The following PATL2 variants were observed in gnomAD, a reference collection of about 807,000 sequenced individuals.
PATL2 encodes PAT1 homolog 2, also known as protein PAT1 homolog 2.
A neutral mutation model predicts 77.0 loss-of-function variants in PATL2; 73 were observed. The observed-to-expected ratio is 0.95, with a 90% CI of 0.78 to 1.15. The LOEUF (loss-of-function observed/expected upper bound fraction) is 1.15. Among genes scored for constraint, PATL2 ranks in the 50% most tolerant of loss-of-function variants. The pLI, the probability that PATL2 is intolerant of heterozygous loss-of-function variation, is 0.00. For synonymous variants in PATL2, 265 were observed against 257.1 expected (o/e 1.03, Z -0.29); for missense variants, 618 against 655.4 (o/e 0.94, Z 0.62).
intron 3 of PATL2, among the ~76,000 whole-genome samples, chr15:44,685,316 A>ACT (rs1349926871): frequency 2.0e-5 from 3 of 152,244 alleles, no homozygotes; most frequent in Non-Finnish European, 4.4e-5. Flanking sequence ...CTGGATAAAA[A>ACT]GTCAAGACCC....
chr15:44,667,474 C>G (rs1002287674), intron 15 of PATL2, among the ~76,000 whole-genome samples: 1 of 152,122 alleles, frequency 6.6e-6, no homozygotes, highest in Non-Finnish European at 1.5e-5. Context: ...AGTAGGAGAT[C>G]GGGAATGCAT....
intron 3 of PATL2, among the ~76,000 whole-genome samples, chr15:44,679,551 T>C (rs1313266177): frequency 6.8e-6 from 1 of 146,492 alleles, no homozygotes; most frequent in Non-Finnish European, 1.5e-5. Context: ...TTTTTCTTTT[T>C]CTTTTTTTTT....
In PATL2 at chr15:44,669,490, C is replaced by G. The variant is rs1205939206; in HGVS notation, c.930+20G>C. 6 of 1,550,750 alleles carry G rather than the reference C, an allele frequency of 3.9e-6. No individual in the cohort carries two copies. Among genetic ancestry groups the G allele is most frequent in the Non-Finnish European group, 3.5e-6 (4 of 1,146,386 alleles). The stretch of plus-strand genomic sequence containing the variant: ...TCAAAGGTAGGTTTGGAACTCGTCC[C>G]TAAGGAACTGATATCTCACCTTCTC... On this transcript the variant is annotated intron_variant, in intron 12 of 17. Coordinates refer to ENST00000682850, the MANE Select transcript of PATL2 (RefSeq NM_001387263.1).
At chr15:44,682,386 G>A (rs1485089007) in intron 3 of PATL2, among the ~76,000 whole-genome samples, 2 of 152,146 alleles carry the variant, frequency 1.3e-5, no homozygotes, top group African/African-American at 4.8e-5. Flanking sequence ...ACCACACTGT[G>A]TCGTCATTCT....
rs115862039 is a variant in PATL2 at position 44,682,317 on chromosome 15, C to T, written c.-75-5752G>A. Among the ~76,000 whole-genome samples, 952 of 152,306 alleles carry T rather than the reference C, an allele frequency of 6.3e-3. 14 individuals carry two copies. Among genetic ancestry groups the T allele is most frequent in the African/African-American group, 0.022 (899 of 41,552 alleles). On this transcript the variant is annotated intron_variant, in intron 3 of 17. Coordinates refer to ENST00000682850, the MANE Select transcript of PATL2 (RefSeq NM_001387263.1). ...CTCAGATAGGCTTTTCCCTTCCAGC[C>T]TGGGATAGGCACCCTTATGTGTGCT... is the stretch of plus-strand genomic sequence containing the variant.
At chr15:44,676,910 C>T in intron 3 of PATL2, 1 of 1,034,632 alleles carries the variant, frequency 9.7e-7, no homozygotes, top group Non-Finnish European at 1.2e-6. Context: ...TTCATAGCAG[C>T]CTGGGCCAGG....
intron 4 of PATL2, 178 bp downstream of exon 4, chr15:44,676,297 G>A: frequency 1.6e-6 from 1 of 634,248 alleles, no homozygotes; most frequent in South Asian, 1.9e-5. Flanking sequence ...CTAGGTTGGT[G>A]AGAAAAATAA....
chr15:44,698,044 A>G (rs776978179), intron 3 of PATL2, among the ~76,000 whole-genome samples: 2 of 150,642 alleles, frequency 1.3e-5, no homozygotes, highest in Non-Finnish European at 3.0e-5. Flanking sequence ...TGGCTTGGTC[A>G]TTTTGTTTAA....
intron 3 of PATL2, among the ~76,000 whole-genome samples, chr15:44,682,936 G>A (rs531670968): frequency 1.8e-4 from 27 of 152,298 alleles, no homozygotes; most frequent in African/African-American, 6.3e-4. Context: ...TGCAGCCCAC[G>A]GAGGGTGAGC....
intron 3 of PATL2, among the ~76,000 whole-genome samples, chr15:44,698,205 G>A (rs775297893): frequency 2.3e-4 from 35 of 151,630 alleles, no homozygotes; most frequent in Non-Finnish European, 4.1e-4. Context: ...AGGGAAAATG[G>A]TGTATCCCTT....
intron 3 of PATL2, among the ~76,000 whole-genome samples, chr15:44,692,789 C>G (rs978465020): frequency 5.9e-5 from 9 of 152,248 alleles, no homozygotes; most frequent in African/African-American, 2.2e-4. Flanking sequence ...ACACTGGCAA[C>G]AGCAGGTAGA....
chr15:44,672,508 G>A (rs2141193896), intron 7 of PATL2, 52 bp from the exon 8 acceptor site: 2 of 1,490,388 alleles, frequency 1.3e-6, no homozygotes, highest in East Asian at 2.5e-5. Context: ...TCAGTTCTCT[G>A]CCCCCTCCAT....
At chr15:44,701,528 T>G (rs1251617369) in intron 3 of PATL2, among the ~76,000 whole-genome samples, 1 of 151,574 alleles carries the variant, frequency 6.6e-6, no homozygotes, top group African/African-American at 2.4e-5. Flanking sequence ...AAACCCTATC[T>G]CTACTAAAAA....
Position 44,670,037 on chromosome 15 carries a change from T to A in PATL2, c.708A>T (p.Gly236=), listed in dbSNP as rs1320064355. 6.4e-7 allele frequency: 1 copy of A among 1,551,402 alleles called. No homozygotes were observed. The highest frequency in any genetic ancestry group is 2.4e-5 in the East Asian group (1 of 40,924). ...TGAGGGACTCAACCCGGTTTCTTCG[T>A]CCAAGTAGCTCTTCGTCTGCCTGCT... ...EKKQADEELL[G]RRNRVESLKL... Residue 236 remains glycine, a synonymous_variant, in exon 10 of 18, where the codon GGA becomes GGT. Transcript: ENST00000682850.
chr15:44,680,990 C>T (rs77638432), intron 3 of PATL2, among the ~76,000 whole-genome samples: 3 of 152,250 alleles, frequency 2.0e-5, no homozygotes, highest in East Asian at 1.9e-4. Flanking sequence ...CTAGTTACTC[C>T]GCAGAGACTT....
At chr15:44,669,435 A>G (rs2085550566) in intron 12 of PATL2, 22 bp from the exon 13 acceptor site, 1 of 1,548,376 alleles carries the variant, frequency 6.5e-7, no homozygotes, top group Admixed American at 2.0e-5. Context: ...AGGGTGGAAA[A>G]AAGAGGTAAA....
intron 6 of PATL2, 64 bp downstream of exon 6, chr15:44,674,086 G>C: frequency 6.9e-7 from 1 of 1,440,862 alleles, no homozygotes. Context: ...CAGGGTTGGG[G>C]GTAGACTGAA....
At chr15:44,701,299 A>G (rs2086624473) in intron 3 of PATL2, among the ~76,000 whole-genome samples, 1 of 151,758 alleles carries the variant, frequency 6.6e-6, no homozygotes. Context: ...GCATCAAGGT[A>G]ATACTGGCCA....
At chr15:44,710,784 AG>A (rs1249106023) in intron 2 of PATL2, among the ~76,000 whole-genome samples, 86 bp downstream of exon 2, 1 of 152,154 alleles carries the variant, frequency 6.6e-6, no homozygotes, top group African/African-American at 2.4e-5. Context: ...GAAGCTCTAA[AG>A]CCCTAGCAGT....
Sources: allele counts gnomAD v4.1 joint callset (sites outside exome capture counted in the v4.1 genomes callset), GRCh38; gene constraint gnomAD v4.1.1; transcripts MANE v1.5; gene names NCBI Gene and HGNC (gene_info 2026-07-23, HGNC 2026-07-21).